Variants in FLI1 observed in about 807,000 individuals in gnomAD.
FLI1 encodes Friend leukemia integration 1 transcription factor.
In FLI1, 13 loss-of-function variants were observed where a neutral mutation model predicts 53.1. The ratio of observed to expected loss-of-function variants is 0.24; its 90% CI spans 0.16 to 0.39. The LOEUF (loss-of-function observed/expected upper bound fraction) is 0.39, where lower values mean the gene tolerates loss of function less well. Ranked by LOEUF, FLI1 falls within the 10% of genes least tolerant of loss-of-function variation. The pLI, the probability that FLI1 is intolerant of heterozygous loss-of-function variation, is 1.00. For synonymous variants in FLI1, 244 were observed against 236.7 expected (o/e 1.03, Z -0.28); for missense variants, 424 against 600.5 (o/e 0.71, Z 3.07).
chr11:128,807,496 C>G (rs571874915), intron 7 of FLI1, among the ~76,000 whole-genome samples: 1 of 152,270 alleles, frequency 6.6e-6, no homozygotes, highest in South Asian at 2.1e-4. Context: ...AATAAAGAAA[C>G]TGAGGCCCGG....
At chr11:128,695,415 A>C (rs1430255639) in intron 1 of FLI1, among the ~76,000 whole-genome samples, 2 of 152,000 alleles carry the variant, frequency 1.3e-5, no homozygotes, top group Non-Finnish European at 2.9e-5. Context: ...AAAAACTATT[A>C]GGCTGGCGAG....
intron 8 of FLI1, 24 bp downstream of exon 8, chr11:128,809,228 C>G (rs199654767): frequency 5.0e-6 from 8 of 1,608,944 alleles, no homozygotes; most frequent in Non-Finnish European, 6.8e-6. Context: ...GGCCTGCAAG[C>G]CTTTTTTGCC....
At chr11:128,688,850 G>T (rs1024409949) in intron 1 of FLI1, among the ~76,000 whole-genome samples, 1 of 152,098 alleles carries the variant, frequency 6.6e-6, no homozygotes. Context: ...TCTTACCTTC[G>T]CCAGCCGCTG....
upstream of FLI1, among the ~76,000 whole-genome samples, chr11:128,689,269 G>A (rs1027545925): frequency 2.0e-5 from 3 of 152,160 alleles, no homozygotes; most frequent in Non-Finnish European, 4.4e-5. Flanking sequence ...GAGTAACCCT[G>A]ACCCGCACCT....
intron 1 of FLI1, among the ~76,000 whole-genome samples, chr11:128,741,418 T>C (rs952751058): frequency 8.6e-5 from 13 of 151,980 alleles, no homozygotes; most frequent in African/African-American, 2.7e-4. Context: ...ATAAATAAAA[T>C]AAGACACAGT....
At chr11:128,802,362 T>G (rs1470325712) in intron 5 of FLI1, among the ~76,000 whole-genome samples, 1 of 152,218 alleles carries the variant, frequency 6.6e-6, no homozygotes, top group Admixed American at 6.5e-5. Context: ...CTGTCCTTTG[T>G]GCAGCCAGGT....
At chr11:128,791,690 C>T (rs992566650) in intron 5 of FLI1, among the ~76,000 whole-genome samples, 2 of 152,194 alleles carry the variant, frequency 1.3e-5, no homozygotes, top group Non-Finnish European at 2.9e-5. Context: ...TGTGGCATTG[C>T]CTTTCCTCCC....
intron 1 of FLI1, among the ~76,000 whole-genome samples, chr11:128,735,878 C>T (rs1322773669): frequency 6.6e-6 from 1 of 152,126 alleles, no homozygotes. Context: ...ATGAGCTGGC[C>T]TGATAAATTG....
intron 1 of FLI1, among the ~76,000 whole-genome samples, chr11:128,714,949 C>T (rs188532126): frequency 6.2e-4 from 95 of 152,150 alleles, no homozygotes; most frequent in African/African-American, 2.0e-3. Context: ...CCTCGTCATC[C>T]GCCAGCCTCA....
chr11:128,699,783 A>G (rs1257687713), intron 1 of FLI1, among the ~76,000 whole-genome samples: 1 of 152,204 alleles, frequency 6.6e-6, no homozygotes, highest in African/African-American at 2.4e-5. Context: ...TCCCCACACT[A>G]TCTGCAGGGC....
At chr11:128,783,300 C>T (rs886823462) in intron 5 of FLI1, among the ~76,000 whole-genome samples, 1 of 152,234 alleles carries the variant, frequency 6.6e-6, no homozygotes, top group African/African-American at 2.4e-5. Flanking sequence ...CTGTCTTGCC[C>T]AAGGTTACAA....
At chr11:128,734,523 A>T (rs917517074) in intron 1 of FLI1, among the ~76,000 whole-genome samples, 1 of 152,256 alleles carries the variant, frequency 6.6e-6, no homozygotes, top group African/African-American at 2.4e-5. Context: ...ATTTCTTCAA[A>T]GATAACTGCA....
At chr11:128,724,942 T>G (rs753726421) in intron 1 of FLI1, among the ~76,000 whole-genome samples, 1 of 152,162 alleles carries the variant, frequency 6.6e-6, no homozygotes, top group South Asian at 2.1e-4. Context: ...TCAGTAAGAA[T>G]GCCAGCAAAG....
chr11:128,808,807 G>A (rs978690565), intron 7 of FLI1, among the ~76,000 whole-genome samples: 1 of 152,078 alleles, frequency 6.6e-6, no homozygotes, highest in Non-Finnish European at 1.5e-5. Context: ...CCTGCTTTAA[G>A]CCCATGGAGT....
intron 5 of FLI1, among the ~76,000 whole-genome samples, chr11:128,799,046 A>ATTTTTTTTTTTT (rs759935387): frequency 1.5e-5 from 2 of 135,806 alleles, no homozygotes; most frequent in African/African-American, 2.8e-5. Context: ...TATTATTATT[A>ATTTTTTTTTTTT]TTATTATTTT....
chr11:128,806,868 T>A (rs1942795593), intron 6 of FLI1: 1 of 235,138 alleles, frequency 4.3e-6, no homozygotes, highest in Non-Finnish European at 8.2e-6. Context: ...GTTTACTTTT[T>A]AAAAATTTGA....
At chr11:128,798,343 TAG>T (rs1475121615) in intron 5 of FLI1, among the ~76,000 whole-genome samples, 10 of 152,124 alleles carry the variant, frequency 6.6e-5, no homozygotes, top group African/African-American at 2.4e-4. Context: ...CTGTGTCACT[TAG>T]ACACAGAGCC....
chr11:128,773,206 A>G (rs1209644069), intron 4 of FLI1, among the ~76,000 whole-genome samples: 2 of 152,196 alleles, frequency 1.3e-5, no homozygotes, highest in Non-Finnish European at 2.9e-5. Flanking sequence ...GGAGAAAAGT[A>G]GAGAGCTGTG....
At chr11:128,711,085 T>C (rs1938765797) in intron 1 of FLI1, among the ~76,000 whole-genome samples, 1 of 152,216 alleles carries the variant, frequency 6.6e-6, no homozygotes, top group African/African-American at 2.4e-5. Flanking sequence ...GTACTCTCTA[T>C]TTGAGTGGCT....
Sources: gnomAD v4.1 joint callset for allele counts (sites outside exome capture counted in the v4.1 genomes callset) on GRCh38, gnomAD v4.1.1 for gene constraint, MANE v1.5 for transcripts, NCBI Gene and HGNC (gene_info 2026-07-23, HGNC 2026-07-21) for gene names.